SLC8A1: variants seen among roughly 807,000 people sequenced by gnomAD.
SLC8A1 encodes solute carrier family 8 member A1, also known as sodium/calcium exchanger 1.
Under a neutral mutation model 68.3 loss-of-function variants are expected in SLC8A1, and 18 were observed. That is an observed-to-expected ratio of 0.26 (90% CI 0.18 to 0.39). SLC8A1 has a LOEUF of 0.39. Among genes scored for constraint, SLC8A1 ranks in the 10% least tolerant of loss-of-function variants. The pLI is 1.00. For missense variants in SLC8A1, 985 were observed against 1,156.7 expected (o/e 0.85, Z 2.15); for synonymous variants, 475 against 415.5 (o/e 1.14, Z -1.74).
intron 2 of SLC8A1, among the ~76,000 whole-genome samples, chr2:40,252,675 C>T (rs1393865975): frequency 1.3e-5 from 2 of 151,422 alleles, no homozygotes; most frequent in East Asian, 1.9e-4. Flanking sequence ...TCTCTCCAGA[C>T]CTGTCATCAT....
chr2:40,327,233 G>C (rs528045619), intron 2 of SLC8A1, among the ~76,000 whole-genome samples: 36 of 152,208 alleles, frequency 2.4e-4, no homozygotes, highest in African/African-American at 8.7e-4. Context: ...AGTCTTCATA[G>C]TTTTTAAAAG....
rs534547295 is a variant in SLC8A1, at chr2:40,273,978, C to T, written c.1809-96123G>A. Among the ~76,000 whole-genome samples the T allele has an allele frequency of 2.6e-4, 39 of 150,186 alleles. No homozygotes were observed. In the South Asian group the frequency reaches 3.8e-3, roughly 15 times the overall value. ...TCTGTCCCCCAAGGCTGCGGCATGTCGGTGTTTATGCAAGGGACTGTGCCC... is the reference window on the plus strand; with the variant it reads ...TCTGTCCCCCAAGGCTGCGGCATGTTGGTGTTTATGCAAGGGACTGTGCCC... On this transcript the variant is annotated intron_variant, in intron 2 of 7. Coordinates refer to ENST00000406785, the Ensembl canonical transcript of SLC8A1.
At chr2:40,367,881 A>G (rs967485286) in intron 2 of SLC8A1, among the ~76,000 whole-genome samples, 4 of 152,076 alleles carry the variant, frequency 2.6e-5, no homozygotes, top group African/African-American at 9.7e-5. Context: ...CATCTTGTTC[A>G]CAAAAACTGG....
chr2:40,449,457 T>C (rs924163191), intron 1 of SLC8A1, among the ~76,000 whole-genome samples: 3 of 152,206 alleles, frequency 2.0e-5, no homozygotes, highest in Admixed American at 1.3e-4. Flanking sequence ...TCTTGGAATA[T>C]ATTTTATTTT....
chr2:40,230,251 C>T (rs1181765702), intron 2 of SLC8A1, among the ~76,000 whole-genome samples: 2 of 152,126 alleles, frequency 1.3e-5, no homozygotes, highest in Admixed American at 1.3e-4. Flanking sequence ...CTTGTCTTCC[C>T]CTACTTTTGT....
chr2:40,300,313 T>C (rs747378173), intron 2 of SLC8A1, among the ~76,000 whole-genome samples: 6 of 152,196 alleles, frequency 3.9e-5, no homozygotes, highest in Non-Finnish European at 7.3e-5. Context: ...CACACCCATC[T>C]GACAGATGAG....
intron 2 of SLC8A1, among the ~76,000 whole-genome samples, chr2:40,287,336 G>A (rs1014391944): frequency 7.2e-5 from 11 of 152,140 alleles, no homozygotes; most frequent in Admixed American, 5.9e-4. Flanking sequence ...TTAGAAAACA[G>A]CTGTGTTTCC....
chr2:40,477,278 C>A (rs186154139), intron 1 of SLC8A1, among the ~76,000 whole-genome samples: 6 of 152,138 alleles, frequency 3.9e-5, no homozygotes, highest in Admixed American at 3.9e-4. Context: ...AGAGAGAAAA[C>A]CTTGTGTTGT....
At chr2:40,246,765 A>C (rs550303844) in intron 2 of SLC8A1, among the ~76,000 whole-genome samples, 10 of 152,194 alleles carry the variant, frequency 6.6e-5, no homozygotes, top group African/African-American at 2.4e-4. Context: ...TCTCTGAAAC[A>C]GAAAAGTTTT....
exon 8 of SLC8A1, chr2:40,108,611 C>G (rs971536656): frequency 1.8e-4 from 28 of 152,118 alleles, no homozygotes; most frequent in African/African-American, 6.5e-4. Context: ...AGGATGAGTA[C>G]AGGAAGGGAG....
At chr2:40,452,146 G>A (rs1426603883), upstream of SLC8A1, 1 of 4,458 alleles carries the variant, frequency 2.2e-4, no homozygotes, top group Admixed American at 3.0e-3. Flanking sequence ...GAGGCTGGGA[G>A]GGCCGGGGCC....
intron 2 of SLC8A1, among the ~76,000 whole-genome samples, chr2:40,381,551 G>A (rs1307885919): frequency 2.0e-5 from 3 of 151,524 alleles, no homozygotes; most frequent in Non-Finnish European, 4.4e-5. Context: ...TCTTTTACCT[G>A]GCCCCATTCT....
intron 1 of SLC8A1, among the ~76,000 whole-genome samples, chr2:40,435,061 G>A (rs1699125316): frequency 6.6e-6 from 1 of 152,080 alleles, no homozygotes; most frequent in Non-Finnish European, 1.5e-5. Context: ...GGCATATGCT[G>A]GCATTCCTAA....
exon 8 of SLC8A1, chr2:40,098,064 C>T (rs1167130524): frequency 6.6e-6 from 1 of 151,860 alleles, no homozygotes; most frequent in Non-Finnish European, 1.5e-5. Context: ...TTTAAAAATA[C>T]ATTTTATACA....
At chr2:40,295,370 T>C (rs942645732) in intron 2 of SLC8A1, among the ~76,000 whole-genome samples, 1 of 151,900 alleles carries the variant, frequency 6.6e-6, no homozygotes, top group Non-Finnish European at 1.5e-5. Flanking sequence ...CCCACAGTGT[T>C]GAGATTATAG....
exon 8 of SLC8A1, chr2:40,105,436 G>A (rs2034135367): frequency 6.6e-6 from 1 of 152,216 alleles, no homozygotes. Flanking sequence ...GAGTCGTGGA[G>A]GCTTCAAGCT....
At chr2:40,425,302 CA>C (rs1193488579) in intron 2 of SLC8A1, among the ~76,000 whole-genome samples, 2 of 151,314 alleles carry the variant, frequency 1.3e-5, no homozygotes, top group Admixed American at 6.6e-5. Flanking sequence ...TATTTATAGA[CA>C]TTTTTATATT....
chr2:40,462,001 C>CGTTTTTTTT (rs1703367272), intron 1 of SLC8A1, among the ~76,000 whole-genome samples: 1 of 66,176 alleles, frequency 1.5e-5, no homozygotes, highest in East Asian at 4.4e-4. Flanking sequence ...TAAAATCCTC[C>CGTTTTTTTT]TTTTTTTTTT....
intron 5 of SLC8A1, 68 bp from the exon 9 acceptor site, chr2:40,160,932 T>A (rs924702264): frequency 1.7e-6 from 2 of 1,171,332 alleles, no homozygotes; most frequent in African/African-American, 3.0e-5. Flanking sequence ...CAAGACCTTG[T>A]TGATTTTGAA....
Sources: allele counts gnomAD v4.1 joint callset (sites outside exome capture counted in the v4.1 genomes callset), GRCh38; gene constraint gnomAD v4.1.1; transcripts MANE v1.5; gene names NCBI Gene and HGNC (gene_info 2026-07-23, HGNC 2026-07-21).